SYT1: variants seen among roughly 807,000 people sequenced by gnomAD.
The protein encoded by SYT1 is synaptotagmin-1.
A neutral mutation model predicts 44.8 loss-of-function variants in SYT1; 8 were observed. The ratio of observed to expected loss-of-function variants is 0.18; its 90% CI spans 0.10 to 0.32. SYT1 has a LOEUF of 0.32. Ranked by LOEUF, SYT1 falls within the 10% of genes least tolerant of loss-of-function variation. SYT1 has a pLI of 1.00. For synonymous variants in SYT1, 154 were observed against 188.8 expected (o/e 0.82, Z 1.51); for missense variants, 286 against 509.3 (o/e 0.56, Z 4.22).
chr12:79,243,924 TGG>T (rs927102971), intron 4 of SYT1, among the ~76,000 whole-genome samples: 4 of 151,620 alleles, frequency 2.6e-5, no homozygotes, highest in African/African-American at 4.8e-5. Context: ...AAATACAGGA[TGG>T]GGGTGGCTAA....
chr12:79,067,982 C>G (rs1875992341), intron 3 of SYT1, among the ~76,000 whole-genome samples: 1 of 152,140 alleles, frequency 6.6e-6, no homozygotes, highest in Non-Finnish European at 1.5e-5. Context: ...TCCACGAAGA[C>G]ACACCCATGA....
At chr12:79,200,524 G>C (rs758417096) in intron 3 of SYT1, among the ~76,000 whole-genome samples, 5 of 152,140 alleles carry the variant, frequency 3.3e-5, no homozygotes, top group Non-Finnish European at 5.9e-5. Flanking sequence ...GTATGAAAGA[G>C]TAAGAATAGC....
intron 1 of SYT1, among the ~76,000 whole-genome samples, chr12:78,885,329 A>AAAGAAGGAAGGG (rs1874678729): frequency 1.5e-5 from 2 of 134,530 alleles, no homozygotes; most frequent in South Asian, 2.6e-4. Flanking sequence ...AGAAGGAAGG[A>AAAGAAGGAAGGG]GGGAAGGAAG....
chr12:79,212,788 T>G (rs1243774208), intron 3 of SYT1, among the ~76,000 whole-genome samples: 1 of 152,192 alleles, frequency 6.6e-6, no homozygotes, highest in Admixed American at 6.5e-5. Context: ...TAATGATGCT[T>G]AAATGTTATT....
chr12:79,379,717 C>T (rs1448843662), intron 9 of SYT1, among the ~76,000 whole-genome samples: 1 of 152,044 alleles, frequency 6.6e-6, no homozygotes, highest in South Asian at 2.1e-4. Context: ...AGAAATCTAG[C>T]TTTGATAACT....
chr12:78,967,983 A>G (rs899011533), intron 1 of SYT1, among the ~76,000 whole-genome samples: 6 of 152,154 alleles, frequency 3.9e-5, no homozygotes, highest in African/African-American at 1.4e-4. Context: ...AGAACGAGGT[A>G]TGGGATTTGA....
chr12:79,120,679 A>AATGT (rs1657637783), intron 3 of SYT1, among the ~76,000 whole-genome samples: 1 of 152,070 alleles, frequency 6.6e-6, no homozygotes, highest in Non-Finnish European at 1.5e-5. Context: ...TCTATATGAA[A>AATGT]ATGTATGTTT....
chr12:79,253,483 G>GTCTC (rs60179268), intron 4 of SYT1, among the ~76,000 whole-genome samples: 8,867 of 129,326 alleles, frequency 0.069, 477 homozygotes, highest in South Asian at 0.18. Context: ...CCATTGCCCA[G>GTCTC]TCTCTCTCTC....
At chr12:79,443,410 A>G (rs1432995586) in intron 9 of SYT1, among the ~76,000 whole-genome samples, 1 of 152,158 alleles carries the variant, frequency 6.6e-6, no homozygotes, top group Non-Finnish European at 1.5e-5. Context: ...TCTCTTACAG[A>G]GCACTCTTGT....
At chr12:79,039,891 T>G (rs374374985) in intron 2 of SYT1, among the ~76,000 whole-genome samples, 1 of 138,986 alleles carries the variant, frequency 7.2e-6, no homozygotes. Flanking sequence ...TTTGTTCTTG[T>G]GATAGTTTAC....
rs1334861450 is a variant in SYT1 at position 79,390,406 on chromosome 12, T to TA, written c.928+36790dup. 3.9e-5 allele frequency among the ~76,000 whole-genome samples: 6 copies of TA among 152,092 alleles called. No individual in the cohort carries two copies. The East Asian group carries it at 9.6e-4, about 24-fold the overall frequency. ...TGTTATTGTTTGTTTTCATTTTTAT[T>TA]AAAGTTATGCATACAAGCACATAGA... On this transcript the variant is annotated intron_variant, in intron 9 of 10. Coordinates refer to ENST00000261205, the MANE Select transcript of SYT1 (RefSeq NM_005639.3).
At chr12:78,908,900 T>C (rs1876147554) in intron 1 of SYT1, among the ~76,000 whole-genome samples, 1 of 152,068 alleles carries the variant, frequency 6.6e-6, no homozygotes, top group Admixed American at 6.6e-5. Context: ...CTCTATTATA[T>C]GTTTCATAAA....
At chr12:78,950,367 G>A (rs1336632987) in intron 1 of SYT1, among the ~76,000 whole-genome samples, 1 of 151,962 alleles carries the variant, frequency 6.6e-6, no homozygotes, top group East Asian at 1.9e-4. Flanking sequence ...TGCAACATAT[G>A]TAAATGAACA....
intron 3 of SYT1, among the ~76,000 whole-genome samples, chr12:79,096,903 T>C (rs115109298): frequency 6.6e-6 from 1 of 151,882 alleles, no homozygotes; most frequent in African/African-American, 2.4e-5. Context: ...CTGGGAAAGA[T>C]TGAAGTGATT....
At chr12:79,364,208 C>T (rs1883442129) in intron 9 of SYT1, among the ~76,000 whole-genome samples, 1 of 151,816 alleles carries the variant, frequency 6.6e-6, no homozygotes, top group African/African-American at 2.4e-5. Flanking sequence ...GAAGATTTTA[C>T]TTCCTTCCTT....
At chr12:79,433,960 G>A (rs149593208) in intron 9 of SYT1, among the ~76,000 whole-genome samples, 1 of 152,108 alleles carries the variant, frequency 6.6e-6, no homozygotes, top group Admixed American at 6.5e-5. Flanking sequence ...TCCAGCTTTT[G>A]TATATGCATC....
At chr12:78,898,202 A>G (rs939560175) in intron 1 of SYT1, among the ~76,000 whole-genome samples, 2 of 152,062 alleles carry the variant, frequency 1.3e-5, no homozygotes, top group Non-Finnish European at 2.9e-5. Flanking sequence ...TTGGAATAAG[A>G]CTAGCACTGC....
chr12:79,029,143 T>C (rs117835596), intron 2 of SYT1, among the ~76,000 whole-genome samples: 15 of 151,326 alleles, frequency 9.9e-5, no homozygotes, highest in Non-Finnish European at 2.1e-4. Flanking sequence ...CAGGTATCAG[T>C]TATGCCTTCA....
At chr12:79,439,351 C>G (rs1315902840) in intron 9 of SYT1, among the ~76,000 whole-genome samples, 2 of 152,158 alleles carry the variant, frequency 1.3e-5, no homozygotes, top group African/African-American at 4.8e-5. Context: ...GCGAGACCAC[C>G]TCATATAGGT....
Sources: allele counts gnomAD v4.1 joint callset (sites outside exome capture counted in the v4.1 genomes callset), GRCh38; gene constraint gnomAD v4.1.1; transcripts MANE v1.5; gene names NCBI Gene and HGNC (gene_info 2026-07-23, HGNC 2026-07-21).